SPOPL: variants seen among roughly 807,000 people sequenced by gnomAD.
SPOPL encodes speckle-type POZ protein-like.
A neutral mutation model predicts 53.8 loss-of-function variants in SPOPL; 23 were observed. That is an observed-to-expected ratio of 0.43 (90% CI 0.31 to 0.61). SPOPL has a LOEUF of 0.61. Ranked by LOEUF, SPOPL falls within the 20% of genes least tolerant of loss-of-function variation. The pLI, the probability that SPOPL is intolerant of heterozygous loss-of-function variation, is 0.12. For missense variants in SPOPL, 442 were observed against 466.9 expected, an observed-to-expected ratio of 0.95 and a Z score of 0.49; for synonymous variants, 164 against 149.7, an observed-to-expected ratio of 1.10 and a Z score of -0.70.
intron 1 of SPOPL, among the ~76,000 whole-genome samples, chr2:138,542,306 C>T (rs941784705): frequency 2.6e-5 from 4 of 152,072 alleles, no homozygotes; most frequent in Admixed American, 6.6e-5. Context: ...CTTTGTGTCT[C>T]GTTGATCTGT....
chr2:138,514,738 C>G (rs1308603678), intron 1 of SPOPL, among the ~76,000 whole-genome samples: 1 of 152,160 alleles, frequency 6.6e-6, no homozygotes, highest in African/African-American at 2.4e-5. Context: ...AATATAATCA[C>G]TGGGTCATAT....
At chr2:138,557,145 G>A (rs2104898441) in intron 5 of SPOPL, among the ~76,000 whole-genome samples, 1 of 151,960 alleles carries the variant, frequency 6.6e-6, no homozygotes, top group East Asian at 1.9e-4. Context: ...GACAGAGCAA[G>A]ACTCCGTCTC....
chr2:138,550,654 C>A (rs755452468), intron 3 of SPOPL, 50 bp downstream of exon 3: 2 of 1,561,562 alleles, frequency 1.3e-6, no homozygotes, highest in East Asian at 2.3e-5. Context: ...TTGATGTGAT[C>A]ATCAGCTGCT....
chr2:138,553,734 A>G (rs542564713), intron 5 of SPOPL, among the ~76,000 whole-genome samples: 3 of 152,266 alleles, frequency 2.0e-5, no homozygotes, highest in Admixed American at 6.5e-5. Flanking sequence ...GAACTGTATG[A>G]TGAATTTATT....
Position 138,569,369 on chromosome 2 carries a change from A to G in SPOPL, c.*289A>G. On this transcript the variant is annotated 3_prime_UTR_variant, in exon 11 of 11. Transcript: ENST00000280098. ...GTGCCTTGTCATTTTGACCAAGGCT[A>G]TGCAGGATTGCACTAGCTCCATAAT... 1 of 283,986 alleles carries G rather than the reference A, an allele frequency of 3.5e-6. No individual in the cohort carries two copies. The highest frequency in any genetic ancestry group is 8.3e-5 in the South Asian group (1 of 12,074). The allele number at this position is 283,986 out of a possible 1,614,324, so 17.6% of individuals were successfully genotyped here. A position where few individuals can be genotyped will look rare whatever the true frequency, so the allele number is the denominator to read the frequency against.
At chr2:138,538,926 G>A (rs1057449659) in intron 1 of SPOPL, among the ~76,000 whole-genome samples, 1 of 152,232 alleles carries the variant, frequency 6.6e-6, no homozygotes, top group Admixed American at 6.5e-5. Flanking sequence ...AGACCCCGGT[G>A]TGTGATGTTC....
At chr2:138,521,016 T>C (rs1433956477) in intron 1 of SPOPL, among the ~76,000 whole-genome samples, 2 of 152,218 alleles carry the variant, frequency 1.3e-5, no homozygotes, top group African/African-American at 2.4e-5. Context: ...GCATGCCATA[T>C]AAATGTAGTT....
intron 7 of SPOPL, among the ~76,000 whole-genome samples, chr2:138,560,316 A>G (rs996256482): frequency 2.6e-5 from 4 of 152,170 alleles, no homozygotes; most frequent in African/African-American, 7.2e-5. Flanking sequence ...TGTTTGTTAC[A>G]GGATCTTAGG....
At chr2:138,545,641 G>A (rs776455840) in intron 1 of SPOPL, among the ~76,000 whole-genome samples, 31 of 151,736 alleles carry the variant, frequency 2.0e-4, no homozygotes, top group South Asian at 1.7e-3. Flanking sequence ...GGGTTTCACC[G>A]TGTTAGCCAG....
intron 5 of SPOPL, among the ~76,000 whole-genome samples, chr2:138,557,150 C>T (rs1016513945): frequency 2.7e-4 from 41 of 151,622 alleles, no homozygotes; most frequent in African/African-American, 7.3e-4. Flanking sequence ...AGCAAGACTC[C>T]GTCTCAAAAG....
At chr2:138,551,201 A>G (rs895741823) in intron 4 of SPOPL, 147 bp downstream of exon 4, 3 of 838,736 alleles carry the variant, frequency 3.6e-6, no homozygotes, top group Non-Finnish European at 5.5e-6. Context: ...ATTTAAATCC[A>G]GCATAGAGCT....
Position 138,559,354 on chromosome 2 carries a change from G to A in SPOPL, c.714+17G>A. 1 of 1,596,028 alleles carries A rather than the reference G, an allele frequency of 6.3e-7. No individual in the cohort carries two copies. The highest frequency in any genetic ancestry group is 8.5e-7 in the Non-Finnish European group (1 of 1,171,920). ...AGCAAAAAGGTAAACATGGCTTAAA[G>A]GCTAATATTGAATTTATATAAACGT... On this transcript the variant is annotated intron_variant, in intron 7 of 10. Transcript: ENST00000280098.
intron 10 of SPOPL, among the ~76,000 whole-genome samples, chr2:138,565,289 A>T (rs1216260807): frequency 6.6e-6 from 1 of 152,192 alleles, no homozygotes; most frequent in Non-Finnish European, 1.5e-5. Flanking sequence ...TTCAGAAAGC[A>T]TTCCAAAAAG....
At chr2:138,536,338 C>T (rs1442623619) in intron 1 of SPOPL, among the ~76,000 whole-genome samples, 1 of 104,596 alleles carries the variant, frequency 9.6e-6, no homozygotes, top group Non-Finnish European at 2.0e-5. Flanking sequence ...CTATTTAGTG[C>T]CCCCCCCCCA....
At chr2:138,529,579 A>T (rs940248834) in intron 1 of SPOPL, among the ~76,000 whole-genome samples, 1 of 150,422 alleles carries the variant, frequency 6.6e-6, no homozygotes, top group African/African-American at 2.5e-5. Flanking sequence ...TCATTAGTCA[A>T]CTTCTCTGTT....
At chr2:138,517,370 A>G (rs1054491435) in intron 1 of SPOPL, among the ~76,000 whole-genome samples, 1 of 152,182 alleles carries the variant, frequency 6.6e-6, no homozygotes, top group African/African-American at 2.4e-5. Context: ...TCATTGGAGC[A>G]TTAGGCTTTT....
At chr2:138,543,903 A>T (rs1202486341) in intron 1 of SPOPL, among the ~76,000 whole-genome samples, 1 of 152,074 alleles carries the variant, frequency 6.6e-6, no homozygotes, top group Admixed American at 6.6e-5. Context: ...TGACTTACAG[A>T]TGGGTTTTTG....
chr2:138,523,249 C>T (rs1684594913), intron 1 of SPOPL, among the ~76,000 whole-genome samples: 1 of 152,128 alleles, frequency 6.6e-6, no homozygotes, highest in Admixed American at 6.5e-5. Context: ...CAGGGAAATT[C>T]CCGTTTTTAA....
At chr2:138,522,900 C>T (rs745381303) in intron 1 of SPOPL, among the ~76,000 whole-genome samples, 22 of 152,206 alleles carry the variant, frequency 1.4e-4, no homozygotes, top group African/African-American at 5.1e-4. Context: ...TCTCAAAACA[C>T]GTAACTAGCC....
Sources: gnomAD v4.1 joint callset for allele counts (sites outside exome capture counted in the v4.1 genomes callset) on GRCh38, gnomAD v4.1.1 for gene constraint, MANE v1.5 for transcripts, NCBI Gene and HGNC (gene_info 2026-07-23, HGNC 2026-07-21) for gene names.